SPECC1: variants seen among roughly 807,000 people sequenced by gnomAD.
SPECC1 encodes the protein sperm antigen with calponin homology and coiled-coil domains 1.
In SPECC1, 62 loss-of-function variants were observed where a neutral mutation model predicts 104.1. That is an observed-to-expected ratio of 0.60 (90% CI 0.49 to 0.74). The LOEUF is 0.74. Among genes scored for constraint, SPECC1 ranks in the 30% least tolerant of loss-of-function variants. The pLI is 0.00. For missense variants in SPECC1, 1,306 were observed against 1,310.5 expected, an observed-to-expected ratio of 1.00 and a Z score of 0.05; for synonymous variants, 513 against 501.6, an observed-to-expected ratio of 1.02 and a Z score of -0.30.
At chr17:20,095,878 A>G (rs994078049) in intron 1 of SPECC1, 2 of 152,552 alleles carry the variant, frequency 1.3e-5, no homozygotes, top group Non-Finnish European at 2.9e-5. Flanking sequence ...CAGTCCTGTT[A>G]TGTTATTGAC....
rs1597688470 is a variant in SPECC1 at position 20,096,620 on chromosome 17, C to T, written c.-21-11C>T. On this transcript the variant is annotated splice_polypyrimidine_tract_variant and intron_variant, in intron 1 of 14. Coordinates refer to ENST00000395527, the MANE Select transcript of SPECC1 (RefSeq NM_001243439.2). ...GATGGAGACATGTTTTTCTTTTCTG[C>T]TCTTTTGCAGGACAGACCCACGAAG... is the stretch of plus-strand genomic sequence containing the variant. 11 of 1,584,260 alleles carry T rather than the reference C, an allele frequency of 6.9e-6. No homozygotes were observed. The highest frequency in any genetic ancestry group is 1.8e-5 in the Admixed American group (1 of 54,798).
chr17:20,111,650 C>G (rs2152524361), intron 3 of SPECC1, among the ~76,000 whole-genome samples: 1 of 152,214 alleles, frequency 6.6e-6, no homozygotes. Flanking sequence ...CCAGCCGAGT[C>G]CCGGGTGTGG....
intron 4 of SPECC1, among the ~76,000 whole-genome samples, chr17:20,206,891 T>C (rs2036820692): frequency 6.6e-6 from 1 of 152,226 alleles, no homozygotes; most frequent in South Asian, 2.1e-4. Context: ...TTAAATCTGT[T>C]AATCATTTCA....
chr17:20,055,176 G>T (rs913858732), intron 1 of SPECC1, among the ~76,000 whole-genome samples: 2 of 151,914 alleles, frequency 1.3e-5, no homozygotes, highest in Non-Finnish European at 2.9e-5. Context: ...AAGTGGAGTC[G>T]TGCAGTATTT....
At chr17:20,238,850 A>G (rs2039061060) in intron 7 of SPECC1, 12 of 1,045,094 alleles carry the variant, frequency 1.1e-5, no homozygotes, top group Middle Eastern at 4.4e-4. Context: ...TTTTATCTGT[A>G]AGCATTTATG....
chr17:20,156,094 C>T (rs2032468635), intron 3 of SPECC1: 4 of 1,349,718 alleles, frequency 3.0e-6, no homozygotes, highest in Admixed American at 4.0e-5. Context: ...TGGAGCGGAC[C>T]CGCCGGACGC....
rs1161307463 is a variant in SPECC1 at position 20,082,998 on chromosome 17, GTTCGTTCA to G, written c.-21-13629_-21-13622del. Reference sequence around the variant, plus strand: ...CGTTCGTTCGTTCGTTCGTTCGTTCGTTCGTTCATTCATCCATCTAAAAATAGTACTAA... The same window carrying G: ...CGTTCGTTCGTTCGTTCGTTCGTTCGTTCATCCATCTAAAAATAGTACTAA... On this transcript the variant is annotated intron_variant, in intron 1 of 14. Transcript: ENST00000395527. Among the ~76,000 whole-genome samples, 25 of 126,452 alleles carry G rather than the reference GTTCGTTCA, an allele frequency of 2.0e-4. No individual in the cohort carries two copies. In the South Asian group the frequency reaches 3.1e-3, roughly 16 times the overall value. 83.0% of individuals were successfully genotyped at this position (126,452 alleles called of 152,430 possible).
chr17:20,066,532 A>G (rs2046363385), intron 1 of SPECC1, among the ~76,000 whole-genome samples: 1 of 152,136 alleles, frequency 6.6e-6, no homozygotes, highest in Non-Finnish European at 1.5e-5. Context: ...CTGCAAATGA[A>G]CACCTCAGCA....
At chr17:20,061,462 A>G (rs9915758) in intron 1 of SPECC1, among the ~76,000 whole-genome samples, 79,608 of 152,104 alleles carry the variant, frequency 0.52, 21,322 homozygotes, top group Middle Eastern at 0.62. Context: ...GGTTGTATGT[A>G]CATTGGGCTG....
chr17:20,270,444 A>G (rs1337917011), intron 12 of SPECC1, among the ~76,000 whole-genome samples: 3 of 142,048 alleles, frequency 2.1e-5, no homozygotes, highest in Non-Finnish European at 4.6e-5. Flanking sequence ...AAAAAAAAAA[A>G]AAAAAAAAAA....
intron 7 of SPECC1, chr17:20,237,180 G>GT: frequency 1.5e-6 from 2 of 1,319,350 alleles, no homozygotes; most frequent in Non-Finnish European, 9.7e-7. Flanking sequence ...AAAAAACAAA[G>GT]TACAAGTCTT....
intron 3 of SPECC1, among the ~76,000 whole-genome samples, chr17:20,200,359 T>C (rs1300164297): frequency 1.3e-5 from 2 of 152,222 alleles, no homozygotes; most frequent in African/African-American, 4.8e-5. Flanking sequence ...ATTTAAAAAA[T>C]GTCACACTTC....
At chr17:20,049,526 G>A (rs371081633) in intron 1 of SPECC1, among the ~76,000 whole-genome samples, 3 of 152,204 alleles carry the variant, frequency 2.0e-5, no homozygotes, top group African/African-American at 7.2e-5. Context: ...TTGGGTTAGT[G>A]GTGGTTTTTT....
intron 1 of SPECC1, among the ~76,000 whole-genome samples, chr17:20,039,247 C>A (rs1448756564): frequency 6.6e-6 from 1 of 152,162 alleles, no homozygotes; most frequent in Non-Finnish European, 1.5e-5. Context: ...GTAGAGTGTT[C>A]CGTAAATGTC....
Position 20,069,617 on chromosome 17 carries a change from A to G in SPECC1, c.-21-27014A>G, listed in dbSNP as rs1309656774. ...CTGTCTCCCATTGAATTGTCCTAGC[A>G]TCCTTGTTGAAAATCAACTGCCCAT... On this transcript the variant is annotated intron_variant, in intron 1 of 14. Coordinates refer to ENST00000395527, the MANE Select transcript of SPECC1 (RefSeq NM_001243439.2). Among the ~76,000 whole-genome samples the G allele has an allele frequency of 2.6e-5, 4 of 152,264 alleles. No individual in the cohort carries two copies. The East Asian group carries it at 5.8e-4, about 22-fold the overall frequency.
intron 1 of SPECC1, among the ~76,000 whole-genome samples, chr17:20,074,108 C>A (rs1055971153): frequency 6.6e-6 from 1 of 152,074 alleles, no homozygotes; most frequent in Non-Finnish European, 1.5e-5. Context: ...TTCCTTTTGC[C>A]AAGTGTGGGA....
chr17:20,142,509 A>G (rs915776445), intron 3 of SPECC1, among the ~76,000 whole-genome samples: 1 of 152,240 alleles, frequency 6.6e-6, no homozygotes, highest in African/African-American at 2.4e-5. Flanking sequence ...AGAATTTCTG[A>G]CACGTGCTAC....
intron 13 of SPECC1, among the ~76,000 whole-genome samples, chr17:20,298,948 A>AGTGTGTGTGT (rs1555535565): frequency 2.0e-5 from 1 of 49,072 alleles, no homozygotes; most frequent in Non-Finnish European, 3.7e-5. Flanking sequence ...AGAGAGAGAG[A>AGTGTGTGTGT]GTGTGTGTGT....
intron 4 of SPECC1, among the ~76,000 whole-genome samples, chr17:20,210,811 T>A (rs73303505): frequency 0.021 from 3,252 of 151,988 alleles, 121 homozygotes; most frequent in African/African-American, 0.073. Flanking sequence ...CCACTTGCAG[T>A]CCCACCCCAC....
Sources: gnomAD v4.1 joint callset for allele counts (sites outside exome capture counted in the v4.1 genomes callset) on GRCh38, gnomAD v4.1.1 for gene constraint, MANE v1.5 for transcripts, NCBI Gene and HGNC (gene_info 2026-07-23, HGNC 2026-07-21) for gene names.